Variants in PREP observed in about 807,000 individuals in gnomAD.
The protein encoded by PREP is dJ355L5.1 (prolyl endopeptidase).
In PREP, 29 loss-of-function variants were observed where a neutral mutation model predicts 87.6. The observed-to-expected ratio is 0.33, with a 90% confidence interval of 0.25 to 0.45. The LOEUF (loss-of-function observed/expected upper bound fraction) is 0.45, where lower values mean the gene tolerates loss of function less well. PREP is among the 20% of genes least tolerant of loss of function. The pLI is 1.00. For synonymous variants in PREP, 337 were observed against 328.6 expected, an observed-to-expected ratio of 1.03 and a Z score of -0.28; for missense variants, 695 against 886.5, an observed-to-expected ratio of 0.78 and a Z score of 2.74.
At chr6:105,285,808 C>G (rs763195590) in intron 11 of PREP, among the ~76,000 whole-genome samples, 2 of 152,202 alleles carry the variant, frequency 1.3e-5, no homozygotes, top group Non-Finnish European at 2.9e-5. Flanking sequence ...CAGAGTCTCA[C>G]TCTGTCACCC....
chr6:105,278,374 G>A lies in PREP; in HGVS notation c.1903C>T (p.Leu635Phe), dbSNP rs1161067368. 1 of 1,614,098 alleles carries A rather than the reference G, an allele frequency of 6.2e-7. No homozygotes were observed. Among genetic ancestry groups the A allele is most frequent in the African/African-American group, 1.3e-5 (1 of 74,946 alleles). Residue 635 changes from leucine to phenylalanine, a missense_variant, in exon 15 of 15, where the codon CTC (leucine) becomes TTC (phenylalanine). Physicochemically the swap from Leu to Phe is conservative, Grantham distance 22. Transcript: ENST00000652536. The surrounding 1 kb of genome is among the most constrained non-coding windows in gnomAD (Gnocchi z 4.2). ...ADDIQYPSML[L>F]LTADHDDRVV... ...CGGTCATCATGGTCAGCAGTGAGGAGCAGCATGGACGGGTACTGGATGTCA... is the reference window on the plus strand; with the variant it reads ...CGGTCATCATGGTCAGCAGTGAGGAACAGCATGGACGGGTACTGGATGTCA...
chr6:105,380,836 C>T (rs962741136), intron 2 of PREP, among the ~76,000 whole-genome samples: 3 of 152,190 alleles, frequency 2.0e-5, no homozygotes, highest in African/African-American at 7.2e-5. Flanking sequence ...TGAGGCTGCA[C>T]TTAGGCCCAC....
intron 2 of PREP, among the ~76,000 whole-genome samples, chr6:105,397,342 TTA>T (rs10566220): frequency 0.26 from 38,872 of 151,918 alleles, 7,171 homozygotes; most frequent in African/African-American, 0.52. Context: ...TATGAAAGCT[TTA>T]TGTTTTTAGG....
At chr6:105,317,963 A>G (rs1440076516) in intron 10 of PREP, among the ~76,000 whole-genome samples, 1 of 152,278 alleles carries the variant, frequency 6.6e-6, no homozygotes, top group African/African-American at 2.4e-5. Flanking sequence ...AGTATCTGAA[A>G]ATTCTATTTT....
chr6:105,283,290 G>A (rs1770121037), intron 12 of PREP, among the ~76,000 whole-genome samples: 1 of 152,188 alleles, frequency 6.6e-6, no homozygotes, highest in African/African-American at 2.4e-5. Flanking sequence ...TCGTTCCAGT[G>A]TATTAAACCA....
intron 7 of PREP, among the ~76,000 whole-genome samples, chr6:105,343,376 T>C (rs1306118622): frequency 8.5e-5 from 13 of 152,130 alleles, no homozygotes; most frequent in African/African-American, 7.2e-5. Context: ...AAAAATTAAT[T>C]CAAGATGGAT....
chr6:105,313,425 T>C (rs1182754959), intron 10 of PREP, among the ~76,000 whole-genome samples: 1 of 152,198 alleles, frequency 6.6e-6, no homozygotes, highest in African/African-American at 2.4e-5. Flanking sequence ...CCAAAAACAG[T>C]TGAGTTTTGC....
intron 8 of PREP, among the ~76,000 whole-genome samples, chr6:105,330,532 G>A (rs955505991): frequency 6.6e-6 from 1 of 152,118 alleles, no homozygotes; most frequent in African/African-American, 2.4e-5. Context: ...AGGAGAAAAC[G>A]AAGGGCAAGC....
intron 6 of PREP, among the ~76,000 whole-genome samples, chr6:105,363,120 A>C (rs1461766606): frequency 6.6e-6 from 1 of 152,228 alleles, no homozygotes; most frequent in African/African-American, 2.4e-5. Flanking sequence ...TTATGGAGAC[A>C]CAACAGATAC....
chr6:105,319,055 T>C (rs1770942261), intron 10 of PREP, among the ~76,000 whole-genome samples: 1 of 152,158 alleles, frequency 6.6e-6, no homozygotes, highest in Admixed American at 6.5e-5. Flanking sequence ...AAAATCCCAC[T>C]CCCTCCACCC....
At chr6:105,366,651 C>T (rs959143760) in intron 6 of PREP, among the ~76,000 whole-genome samples, 1 of 152,196 alleles carries the variant, frequency 6.6e-6, no homozygotes, top group Non-Finnish European at 1.5e-5. Context: ...CTGCTCACAG[C>T]AGCATTACTC....
intron 7 of PREP, among the ~76,000 whole-genome samples, chr6:105,345,817 T>C (rs1771781660): frequency 6.6e-6 from 1 of 152,178 alleles, no homozygotes; most frequent in African/African-American, 2.4e-5. Flanking sequence ...CTGGGGATAA[T>C]AATCCGTGCT....
intron 10 of PREP, among the ~76,000 whole-genome samples, chr6:105,306,576 C>T (rs1770662398): frequency 1.3e-5 from 2 of 152,186 alleles, no homozygotes; most frequent in Non-Finnish European, 2.9e-5. Flanking sequence ...TGTGACTTCT[C>T]TGCAATACCA....
At chr6:105,321,790 T>G (rs1328629550) in intron 10 of PREP, among the ~76,000 whole-genome samples, 1 of 151,910 alleles carries the variant, frequency 6.6e-6, no homozygotes, top group Non-Finnish European at 1.5e-5. Context: ...CTGTGGGAAG[T>G]GGAAAAAAGG....
Position 105,281,900 on chromosome 6 carries a change from C to T in PREP, c.1684G>A (p.Ala562Thr). 6.2e-7 allele frequency: 1 copy of T among 1,613,066 alleles called. No individual in the cohort carries two copies. Among genetic ancestry groups the T allele is most frequent in the South Asian group, 1.1e-5 (1 of 90,758 alleles). Residue 562 changes from alanine to threonine, a missense_variant and splice_region_variant, in exon 14 of 15, where the codon GCT becomes ACT. This residue lies in a region of PREP where 20 missense variants were observed against 58.9 expected (regional missense o/e 0.34). Coordinates refer to ENST00000652536, the MANE Select transcript of PREP (RefSeq NM_002726.5). ...GGSNGGLLVA[A>T]CANQRPDLFG... is the part of the protein sequence containing the mutation. ...AGGTCAGGTCTCTGATTTGCACAAG[C>T]AGCTAAAAGCCCAACGTAGAAAGAA...
chr6:105,322,363 C>A (rs995937997), intron 10 of PREP: 8 of 939,670 alleles, frequency 8.5e-6, no homozygotes, highest in Non-Finnish European at 1.0e-5. Context: ...AATAATCCCA[C>A]AGGAATCCTA....
intron 10 of PREP, among the ~76,000 whole-genome samples, chr6:105,320,006 T>C (rs544164656): frequency 3.8e-4 from 58 of 152,360 alleles, no homozygotes; most frequent in African/African-American, 1.3e-3. Context: ...CATTTCCCTA[T>C]TACTTCACTT....
chr6:105,278,831 GT>G lies in PREP; in HGVS notation c.1839-394del, dbSNP rs1407697087. 6.6e-6 allele frequency among the ~76,000 whole-genome samples: 1 copy of G among 152,074 alleles called. No homozygotes were observed. Among genetic ancestry groups the G allele is most frequent in the African/African-American group, 2.4e-5 (1 of 41,406 alleles). On this transcript the variant is annotated intron_variant, in intron 14 of 14. Transcript: ENST00000652536. The surrounding 1 kb of genome is among the most constrained non-coding windows in gnomAD (Gnocchi z 4.2). ...CAAAAAAAGTCCAAGCCTTTCTTTT[GT>G]TGAGAAACTTGAAATCCACAGTATA...
At chr6:105,392,267 T>A (rs1773171904) in intron 2 of PREP, among the ~76,000 whole-genome samples, 2 of 152,068 alleles carry the variant, frequency 1.3e-5, no homozygotes, top group Non-Finnish European at 2.9e-5. Context: ...CTCGATCTCC[T>A]GACCTCGTGA....
Sources: gnomAD v4.1 joint callset for allele counts (sites outside exome capture counted in the v4.1 genomes callset) on GRCh38, gnomAD v4.1.1 for gene constraint, gnomAD v4.1.1 regional missense constraint, Gnocchi (gnomAD v3.1) non-coding constraint, MANE v1.5 for transcripts, NCBI Gene and HGNC (gene_info 2026-07-23, HGNC 2026-07-21) for gene names.